Variants in MAST4 observed in about 807,000 individuals in gnomAD.
MAST4 encodes microtubule-associated serine/threonine-protein kinase 4.
In MAST4, 89 loss-of-function variants were observed where a neutral mutation model predicts 162.7. The ratio of observed to expected loss-of-function variants is 0.55; its 90% CI spans 0.46 to 0.65. MAST4 has a LOEUF of 0.65. Ranked by LOEUF, MAST4 falls within the 30% of genes least tolerant of loss-of-function variation. MAST4 has a pLI of 0.00. For missense variants in MAST4, 3,153 were observed against 3,374.0 expected (o/e 0.93, Z 1.62); for synonymous variants, 1,479 against 1,361.1 (o/e 1.09, Z -1.91).
At chr5:67,128,736 C>T (rs1319810414) in intron 14 of MAST4, among the ~76,000 whole-genome samples, 1 of 152,114 alleles carries the variant, frequency 6.6e-6, no homozygotes, top group South Asian at 2.1e-4. Flanking sequence ...TCTGGGCCCC[C>T]TTGCAGTCAT....
At chr5:66,986,317 G>A (rs1417061785) in intron 4 of MAST4, 1 of 551,674 alleles carries the variant, frequency 1.8e-6, no homozygotes, top group Non-Finnish European at 3.1e-6. Context: ...GCCCAAGCGG[G>A]ACTTGACTTT....
At chr5:66,807,322 C>G (rs1354905699) in intron 3 of MAST4, among the ~76,000 whole-genome samples, 1 of 152,032 alleles carries the variant, frequency 6.6e-6, no homozygotes, top group African/African-American at 2.4e-5. Flanking sequence ...AGGTGAAACC[C>G]CGTCTCTACT....
chr5:66,864,847 C>T (rs568098045), intron 3 of MAST4, among the ~76,000 whole-genome samples: 14 of 152,266 alleles, frequency 9.2e-5, no homozygotes, highest in African/African-American at 3.1e-4. Context: ...GTTGAAGCTA[C>T]CCAGTTTATG....
At chr5:67,160,323 G>T in intron 26 of MAST4, 133 bp from the exon 27 acceptor site, 1 of 900,964 alleles carries the variant, frequency 1.1e-6, no homozygotes, top group Non-Finnish European at 1.6e-6. Flanking sequence ...TTGATTGAAG[G>T]GTTATTTAGA....
At chr5:67,011,052 G>A (rs576648026) in intron 4 of MAST4, among the ~76,000 whole-genome samples, 43 of 152,180 alleles carry the variant, frequency 2.8e-4, no homozygotes, top group Non-Finnish European at 4.3e-4. Context: ...TGCCCAAATT[G>A]GCAATGACAG....
At chr5:66,762,242 A>G (rs1293830648) in intron 2 of MAST4, among the ~76,000 whole-genome samples, 2 of 150,894 alleles carry the variant, frequency 1.3e-5, no homozygotes, top group African/African-American at 4.9e-5. Context: ...TAAATGTTTA[A>G]TAGTCCTTAG....
intron 4 of MAST4, among the ~76,000 whole-genome samples, chr5:66,955,841 A>C (rs1236609441): frequency 6.6e-6 from 1 of 152,212 alleles, no homozygotes; most frequent in Non-Finnish European, 1.5e-5. Context: ...TGAAGTGTGT[A>C]CATACACAAT....
intron 13 of MAST4, 22 bp from the exon 14 acceptor site, chr5:67,120,995 A>C: frequency 6.5e-7 from 1 of 1,545,310 alleles, no homozygotes; most frequent in Non-Finnish European, 8.8e-7. Flanking sequence ...CTACTTTTTA[A>C]CTTCCATATT....
chr5:67,059,374 T>TA (rs376404819), intron 5 of MAST4, among the ~76,000 whole-genome samples: 2 of 152,140 alleles, frequency 1.3e-5, no homozygotes, highest in Non-Finnish European at 2.9e-5. Flanking sequence ...CAATTACAGC[T>TA]AAAAAAATCT....
At chr5:66,787,975 G>A (rs1755192661) in intron 2 of MAST4, among the ~76,000 whole-genome samples, 1 of 152,186 alleles carries the variant, frequency 6.6e-6, no homozygotes, top group African/African-American at 2.4e-5. Flanking sequence ...TATTAGTCAA[G>A]TCCATGTACC....
At chr5:67,018,548 A>G (rs1753596285) in intron 4 of MAST4, among the ~76,000 whole-genome samples, 1 of 152,172 alleles carries the variant, frequency 6.6e-6, no homozygotes, top group African/African-American at 2.4e-5. Context: ...TACATAGATG[A>G]AAAACTTGTA....
intron 5 of MAST4, among the ~76,000 whole-genome samples, chr5:67,086,727 C>T (rs1042595739): frequency 1.3e-5 from 2 of 152,162 alleles, no homozygotes; most frequent in Non-Finnish European, 2.9e-5. Context: ...TTGGGAGTCT[C>T]TCAGGTATTG....
At chr5:66,772,188 G>C (rs1164332141) in intron 2 of MAST4, among the ~76,000 whole-genome samples, 3 of 152,200 alleles carry the variant, frequency 2.0e-5, no homozygotes, top group African/African-American at 7.2e-5. Context: ...GGGAGGAGGA[G>C]ATAAGGTAGG....
chr5:66,937,657 C>T (rs898543347), intron 4 of MAST4, among the ~76,000 whole-genome samples: 3 of 152,132 alleles, frequency 2.0e-5, no homozygotes, highest in African/African-American at 7.2e-5. Context: ...CGTTCATCTA[C>T]TCATTTTTTT....
intron 5 of MAST4, among the ~76,000 whole-genome samples, chr5:67,078,423 C>A (rs1761941440): frequency 6.7e-6 from 1 of 149,862 alleles, no homozygotes; most frequent in South Asian, 2.1e-4. Flanking sequence ...AAAAGAAACA[C>A]AAATCGTCAG....
intron 19 of MAST4, among the ~76,000 whole-genome samples, chr5:67,140,793 C>T (rs949789543): frequency 6.6e-6 from 1 of 152,062 alleles, no homozygotes; most frequent in Non-Finnish European, 1.5e-5. Context: ...ACAAGTTGGC[C>T]CTCAGTCATA....
chr5:67,129,468 C>G (rs1324592186), intron 14 of MAST4, among the ~76,000 whole-genome samples: 2 of 151,960 alleles, frequency 1.3e-5, no homozygotes, highest in Admixed American at 6.5e-5. Flanking sequence ...GCCTGTAATC[C>G]TAGCACTTTG....
chr5:66,773,387 T>C (rs1348590861), intron 2 of MAST4, among the ~76,000 whole-genome samples: 1 of 152,230 alleles, frequency 6.6e-6, no homozygotes, highest in East Asian at 1.9e-4. Context: ...CAGTATTGTC[T>C]CAGGCACCTG....
chr5:66,970,034 G>C (rs72763021), intron 4 of MAST4, among the ~76,000 whole-genome samples: 1 of 152,122 alleles, frequency 6.6e-6, no homozygotes, highest in Non-Finnish European at 1.5e-5. Flanking sequence ...TGTCATGCAG[G>C]CACTCTTAGG....
Sources: allele counts gnomAD v4.1 joint callset (sites outside exome capture counted in the v4.1 genomes callset), GRCh38; gene constraint gnomAD v4.1.1; transcripts MANE v1.5; gene names NCBI Gene and HGNC (gene_info 2026-07-23, HGNC 2026-07-21).